The following POLR3G variants were observed in gnomAD, a reference collection of about 807,000 sequenced individuals.
The protein encoded by POLR3G is RNA polymerase III subunit G.
Under a neutral mutation model 30.1 loss-of-function variants are expected in POLR3G, and 28 were observed. That is an observed-to-expected ratio of 0.93 (90% CI 0.69 to 1.27). The LOEUF (loss-of-function observed/expected upper bound fraction) is 1.27, where lower values mean the gene tolerates loss of function less well. Among genes scored for constraint, POLR3G ranks in the 50% most tolerant of loss-of-function variants. The pLI is 0.00. For synonymous variants in POLR3G, 79 were observed against 82.5 expected, an observed-to-expected ratio of 0.96 and a Z score of 0.23; for missense variants, 254 against 264.6, an observed-to-expected ratio of 0.96 and a Z score of 0.28.
intron 3 of POLR3G, among the ~76,000 whole-genome samples, chr5:90,494,527 C>G (rs1239222516): frequency 1.3e-5 from 2 of 152,056 alleles, no homozygotes; most frequent in Non-Finnish European, 2.9e-5. Context: ...ATGAGAGTTC[C>G]AATTTTTCCA....
At chr5:90,476,168 G>T (rs151238917) in intron 1 of POLR3G, among the ~76,000 whole-genome samples, 2 of 152,310 alleles carry the variant, frequency 1.3e-5, no homozygotes, top group Non-Finnish European at 2.9e-5. Context: ...TGGAAGGAGA[G>T]GTGTACGCTC....
chr5:90,510,184 C>G (rs1468405990), intron 7 of POLR3G, among the ~76,000 whole-genome samples: 1 of 152,118 alleles, frequency 6.6e-6, no homozygotes, highest in Non-Finnish European at 1.5e-5. Context: ...CAAGACCATC[C>G]TGGCTAACAC....
chr5:90,511,651 T>C (rs905597046), intron 7 of POLR3G, among the ~76,000 whole-genome samples: 6 of 151,832 alleles, frequency 4.0e-5, no homozygotes, highest in Non-Finnish European at 7.4e-5. Flanking sequence ...TAAAAGTCTT[T>C]CTGGCTTATG....
intron 1 of POLR3G, among the ~76,000 whole-genome samples, chr5:90,482,818 G>C (rs748013475): frequency 2.6e-5 from 4 of 152,004 alleles, no homozygotes; most frequent in African/African-American, 4.8e-5. Context: ...CAGTTCACTG[G>C]CCCCCTACCC....
chr5:90,491,301 T>G (rs960940749), intron 3 of POLR3G, among the ~76,000 whole-genome samples: 1 of 152,244 alleles, frequency 6.6e-6, no homozygotes, highest in Non-Finnish European at 1.5e-5. Context: ...AGAGATCGTC[T>G]AGTCTAGTGG....
At chr5:90,476,877 T>C (rs1750852409) in intron 1 of POLR3G, among the ~76,000 whole-genome samples, 1 of 152,348 alleles carries the variant, frequency 6.6e-6, no homozygotes, top group East Asian at 1.9e-4. Flanking sequence ...CCATGTTTCC[T>C]GTCTTTATTT....
chr5:90,474,154 C>T, upstream of POLR3G: 2 of 1,597,208 alleles, frequency 1.3e-6, no homozygotes, highest in Middle Eastern at 1.7e-4. Flanking sequence ...AGCCCCAGGC[C>T]TGTATCGATC....
In POLR3G at chr5:90,481,635, G is replaced by A. The variant is rs1751125793; in HGVS notation, c.-43-3890G>A. Among the ~76,000 whole-genome samples, 2 of 151,896 alleles carry A rather than the reference G, an allele frequency of 1.3e-5. 1 individual carries two copies. The highest frequency in any genetic ancestry group is 4.8e-5 in the African/African-American group (2 of 41,328). On this transcript the variant is annotated intron_variant, in intron 1 of 7. Coordinates refer to ENST00000651687, the MANE Select transcript of POLR3G (RefSeq NM_006467.3). ...CTAAAGTTTAAGAAGCATTGTATAGGGCACTGACCTAGTTTCTTAGACAAA... is the reference window on the plus strand; with the variant it reads ...CTAAAGTTTAAGAAGCATTGTATAGAGCACTGACCTAGTTTCTTAGACAAA...
chr5:90,477,580 T>C (rs1401100385), intron 1 of POLR3G, among the ~76,000 whole-genome samples: 1 of 152,166 alleles, frequency 6.6e-6, no homozygotes, highest in Non-Finnish European at 1.5e-5. Context: ...ATCCTGATTG[T>C]AGCAATTTAG....
At chr5:90,501,702 C>G (rs1222651004) in intron 5 of POLR3G, among the ~76,000 whole-genome samples, 3 of 152,044 alleles carry the variant, frequency 2.0e-5, no homozygotes, top group Non-Finnish European at 4.4e-5. Context: ...AAAAATCCTA[C>G]TACGTGATTA....
rs573566131 is a variant in POLR3G at position 90,502,453 on chromosome 5, T to G, written c.438+465T>G. On this transcript the variant is annotated intron_variant, in intron 6 of 7. Transcript: ENST00000651687. ...ATAGAACTTATTTTTATAGCTTTCTTTATCTAAATATTTCAAAAATAAAAA... is the reference window on the plus strand; with the variant it reads ...ATAGAACTTATTTTTATAGCTTTCTGTATCTAAATATTTCAAAAATAAAAA... 1.6e-5 allele frequency: 12 copies of G among 760,536 alleles called. No individual in the cohort carries two copies. The South Asian group carries it at 6.7e-4, about 42-fold the overall frequency. 47.1% of individuals were successfully genotyped at this position (760,536 alleles called of 1,614,324 possible). A position where few individuals can be genotyped will look rare whatever the true frequency, so the allele number is the denominator to read the frequency against.
At chr5:90,504,910 C>T (rs1464073186) in intron 6 of POLR3G, among the ~76,000 whole-genome samples, 1 of 152,124 alleles carries the variant, frequency 6.6e-6, no homozygotes, top group Non-Finnish European at 1.5e-5. Context: ...AGTAATAACT[C>T]ATATAAGACA....
At chr5:90,499,429 C>T (rs1189480697) in intron 5 of POLR3G, among the ~76,000 whole-genome samples, 2 of 152,150 alleles carry the variant, frequency 1.3e-5, no homozygotes, top group African/African-American at 4.8e-5. Context: ...AGGACGAAGA[C>T]TGGAAAATGT....
rs774014548 is a variant in POLR3G at position 90,506,478 on chromosome 5, T to A, written c.439-50T>A. On this transcript the variant is annotated intron_variant, in intron 6 of 7. Transcript: ENST00000651687. Reference sequence around the variant, plus strand: ...GTTCCCTTAAGGCTAAGCAGGGAAGTCAGCAGTCTAGTGGTTTCCATACAA... The same window carrying A: ...GTTCCCTTAAGGCTAAGCAGGGAAGACAGCAGTCTAGTGGTTTCCATACAA... 24 of 1,573,530 alleles carry A rather than the reference T, an allele frequency of 1.5e-5. 1 individual carries two copies. The highest frequency in any genetic ancestry group is 7.3e-5 in the South Asian group (6 of 82,124).
At chr5:90,480,569 C>A (rs564509265) in intron 1 of POLR3G, among the ~76,000 whole-genome samples, 17 of 152,230 alleles carry the variant, frequency 1.1e-4, no homozygotes, top group South Asian at 8.3e-4. Context: ...TGAAGCAGTG[C>A]TAGCTGGTGT....
intron 1 of POLR3G, among the ~76,000 whole-genome samples, chr5:90,482,271 A>G (rs1429052093): frequency 6.6e-6 from 1 of 152,202 alleles, no homozygotes; most frequent in Non-Finnish European, 1.5e-5. Flanking sequence ...ATCAGACCTA[A>G]TTGATCCCAT....
chr5:90,495,429 G>C (rs1751934513), intron 3 of POLR3G, among the ~76,000 whole-genome samples: 1 of 152,146 alleles, frequency 6.6e-6, no homozygotes, highest in African/African-American at 2.4e-5. Context: ...GGTTCCTGCA[G>C]AGTTTTCAGC....
At position 90,487,378 on chromosome 5, in the gene POLR3G, A is replaced by ATTTTTTT. The variant is rs59951999; in HGVS notation, c.118-599_118-593dup. Among the ~76,000 whole-genome samples, 73 of 57,038 alleles carry ATTTTTTT rather than the reference A, an allele frequency of 1.3e-3. 5 individuals are homozygous for ATTTTTTT. Among genetic ancestry groups the ATTTTTTT allele is most frequent in the African/African-American group, 1.7e-3 (21 of 12,638 alleles). 37.4% of individuals were successfully genotyped at this position (57,038 alleles called of 152,430 possible). Reference sequence around the variant, plus strand: ...TTTTCTTTTTTTTTTTGGTACATTAATTTTTTTTTTTTTTTTTTTTTTTTT... The same window carrying ATTTTTTT: ...TTTTCTTTTTTTTTTTGGTACATTAATTTTTTTTTTTTTTTTTTTTTTTTTTTTTTTT... On this transcript the variant is annotated intron_variant, in intron 2 of 7. Coordinates refer to ENST00000651687, the MANE Select transcript of POLR3G (RefSeq NM_006467.3).
At chr5:90,493,053 A>T (rs1259011916) in intron 3 of POLR3G, among the ~76,000 whole-genome samples, 1 of 152,206 alleles carries the variant, frequency 6.6e-6, no homozygotes, top group Non-Finnish European at 1.5e-5. Flanking sequence ...CCTATTAAAG[A>T]TGTCTTTGGA....
Sources: gnomAD v4.1 joint callset for allele counts (sites outside exome capture counted in the v4.1 genomes callset) on GRCh38, gnomAD v4.1.1 for gene constraint, MANE v1.5 for transcripts, NCBI Gene and HGNC (gene_info 2026-07-23, HGNC 2026-07-21) for gene names.